The following ZMAT4 variants were observed in gnomAD, a reference collection of about 807,000 sequenced individuals.
ZMAT4 encodes the protein zinc finger matrin-type protein 4.
Under a neutral mutation model 28.7 loss-of-function variants are expected in ZMAT4, and 17 were observed. The ratio of observed to expected loss-of-function variants is 0.59; its 90% confidence interval spans 0.41 to 0.89. ZMAT4 has a LOEUF of 0.89. Among genes scored for constraint, ZMAT4 ranks in the 40% least tolerant of loss-of-function variants. The probability of loss-of-function intolerance (pLI) is 0.00; values close to 1 mark genes in which losing one functional copy is unlikely to be tolerated. For missense variants in ZMAT4, 240 were observed against 283.8 expected (o/e 0.85, Z 1.11); for synonymous variants, 117 against 109.2 (o/e 1.07, Z -0.44).
intron 4 of ZMAT4, chr8:40,691,068 T>A (rs1231009144): frequency 1.8e-5 from 5 of 278,116 alleles, no homozygotes; most frequent in Non-Finnish European, 1.6e-5. Context: ...TACCAGTAAA[T>A]CACTTTGCTC....
At chr8:40,538,582 A>G (rs144625931) in intron 6 of ZMAT4, among the ~76,000 whole-genome samples, 1 of 152,116 alleles carries the variant, frequency 6.6e-6, no homozygotes, top group Non-Finnish European at 1.5e-5. Context: ...ACGACAACAT[A>G]TTAGCCTCCT....
chr8:40,644,496 A>AGGAGG (rs1807209156), intron 5 of ZMAT4, among the ~76,000 whole-genome samples: 1 of 152,240 alleles, frequency 6.6e-6, no homozygotes, highest in African/African-American at 2.4e-5. Context: ...AATTTGAACA[A>AGGAGG]TAAAATAATC....
At chr8:40,786,678 T>A (rs1216079993) in intron 2 of ZMAT4, 6 of 1,287,560 alleles carry the variant, frequency 4.7e-6, no homozygotes, top group Non-Finnish European at 6.1e-6. Context: ...TCCTTGTGCC[T>A]CCCAACTTAC....
In ZMAT4 at chr8:40,713,374, T is replaced by A. The variant is rs568242569; in HGVS notation, c.193-15973A>T. 6.6e-5 allele frequency among the ~76,000 whole-genome samples: 10 copies of A among 151,840 alleles called. No homozygotes were observed. The East Asian group carries it at 1.9e-3, about 29-fold the overall frequency. ...GTTCAAAACATAAAATATATGCATA[T>A]CCTATTTCATATAAATGTTCTGTAT... On this transcript the variant is annotated intron_variant, in intron 3 of 6. Coordinates refer to ENST00000297737, the MANE Select transcript of ZMAT4 (RefSeq NM_024645.3).
intron 5 of ZMAT4, among the ~76,000 whole-genome samples, chr8:40,604,835 G>A (rs1198110924): frequency 6.6e-6 from 1 of 152,208 alleles, no homozygotes; most frequent in African/African-American, 2.4e-5. Context: ...GAATTCAGCT[G>A]TGAATCCATC....
chr8:40,591,796 G>A (rs769195624), intron 5 of ZMAT4, among the ~76,000 whole-genome samples: 6 of 152,182 alleles, frequency 3.9e-5, no homozygotes, highest in African/African-American at 1.4e-4. Flanking sequence ...TGAAAGGGTT[G>A]TTATTATCAC....
intron 1 of ZMAT4, among the ~76,000 whole-genome samples, chr8:40,836,376 G>A (rs1816490166): frequency 2.6e-5 from 4 of 152,122 alleles, no homozygotes; most frequent in Admixed American, 2.0e-4. Context: ...ATCTCATCAA[G>A]CTGAACAACC....
At chr8:40,729,290 C>G (rs1563440844) in intron 3 of ZMAT4, among the ~76,000 whole-genome samples, 1 of 152,134 alleles carries the variant, frequency 6.6e-6, no homozygotes, top group Non-Finnish European at 1.5e-5. Flanking sequence ...AGTTAATTAT[C>G]TCTGTCATAT....
chr8:40,756,524 G>A (rs906917308), intron 3 of ZMAT4, among the ~76,000 whole-genome samples: 6 of 144,870 alleles, frequency 4.1e-5, no homozygotes, highest in South Asian at 2.2e-4. Flanking sequence ...GTAATAGCAA[G>A]TGATAGGAAA....
At chr8:40,814,587 A>G (rs1372466129) in intron 2 of ZMAT4, among the ~76,000 whole-genome samples, 3 of 152,252 alleles carry the variant, frequency 2.0e-5, no homozygotes, top group Non-Finnish European at 2.9e-5. Context: ...ACAAGTTATG[A>G]TACAATCATA....
At chr8:40,861,809 AC>A (rs1342433054) in intron 1 of ZMAT4, among the ~76,000 whole-genome samples, 1 of 152,264 alleles carries the variant, frequency 6.6e-6, no homozygotes, top group African/African-American at 2.4e-5. Context: ...GCCAAAAAGC[AC>A]ATGAAAAAAT....
intron 6 of ZMAT4, among the ~76,000 whole-genome samples, chr8:40,572,850 G>T (rs1175800067): frequency 4.6e-5 from 7 of 152,218 alleles, no homozygotes; most frequent in Non-Finnish European, 1.5e-5. Flanking sequence ...ACCGTGTCTG[G>T]TTACTACCAG....
chr8:40,660,721 C>A lies in ZMAT4; in HGVS notation c.577+13983G>T, dbSNP rs79549653. On this transcript the variant is annotated intron_variant, in intron 5 of 6. Coordinates refer to ENST00000297737, the MANE Select transcript of ZMAT4 (RefSeq NM_024645.3). ...CTTACCTCAACCTCAACTATAAAAT[C>A]CCCATTTTCTTGGGGAAACATTTAC... Among the ~76,000 whole-genome samples, 1,155 of 152,272 alleles carry A rather than the reference C, an allele frequency of 7.6e-3. 14 individuals are homozygous for A. Among genetic ancestry groups the A allele is most frequent in the African/African-American group, 0.026 (1,079 of 41,552 alleles).
At chr8:40,647,195 T>G (rs1182971929) in intron 5 of ZMAT4, among the ~76,000 whole-genome samples, 1 of 152,084 alleles carries the variant, frequency 6.6e-6, no homozygotes, top group Non-Finnish European at 1.5e-5. Context: ...TGCCAGACAG[T>G]GGGCGCAGGT....
At chr8:40,666,713 A>G (rs940355816) in intron 5 of ZMAT4, among the ~76,000 whole-genome samples, 1 of 152,144 alleles carries the variant, frequency 6.6e-6, no homozygotes, top group African/African-American at 2.4e-5. Flanking sequence ...CTACAATACA[A>G]TGTATACTAG....
intron 6 of ZMAT4, among the ~76,000 whole-genome samples, chr8:40,574,936 C>A (rs764028552): frequency 5.9e-5 from 9 of 152,136 alleles, no homozygotes; most frequent in Non-Finnish European, 8.8e-5. Flanking sequence ...TGATCATAAC[C>A]CCATGATCTA....
chr8:40,732,006 A>G (rs889279459), intron 3 of ZMAT4, among the ~76,000 whole-genome samples: 39 of 152,186 alleles, frequency 2.6e-4, no homozygotes, highest in Admixed American at 6.6e-5. Flanking sequence ...CACTTACATG[A>G]GGTACCTACG....
chr8:40,738,903 TC>T (rs1811885168), intron 3 of ZMAT4, among the ~76,000 whole-genome samples: 1 of 152,162 alleles, frequency 6.6e-6, no homozygotes, highest in South Asian at 2.1e-4. Context: ...ACAAAACGTA[TC>T]GTGTGTCAAC....
chr8:40,843,304 G>A (rs1339983199), intron 1 of ZMAT4, among the ~76,000 whole-genome samples: 3 of 151,994 alleles, frequency 2.0e-5, no homozygotes, highest in East Asian at 1.9e-4. Context: ...GTCACTGCTC[G>A]ACCCCACAGC....
Sources: gnomAD v4.1 joint callset for allele counts (sites outside exome capture counted in the v4.1 genomes callset) on GRCh38, gnomAD v4.1.1 for gene constraint, MANE v1.5 for transcripts, NCBI Gene and HGNC (gene_info 2026-07-23, HGNC 2026-07-21) for gene names.